The following CCDC192 variants were observed in gnomAD, a reference collection of about 807,000 sequenced individuals.
The protein encoded by CCDC192 is coiled-coil domain containing 192, also known as coiled-coil domain-containing protein 192.
Position 127,839,657 on chromosome 5 carries a change from G to A in CCDC192, c.412-35881G>A, listed in dbSNP as rs940155556. Reference sequence around the variant, plus strand: ...GCAAGTACCATTACACAACATTGCAGGGAAGTGGTCAAGGGACTGGGCTCT... The same window carrying A: ...GCAAGTACCATTACACAACATTGCAAGGAAGTGGTCAAGGGACTGGGCTCT... On this transcript the variant is annotated intron_variant, in intron 5 of 6. Transcript: ENST00000514853. Among the ~76,000 whole-genome samples the A allele has an allele frequency of 2.6e-5, 4 of 152,028 alleles. No individual in the cohort carries two copies. The South Asian group carries it at 8.3e-4, about 31-fold the overall frequency.
chr5:127,843,701 G>A (rs1295241301), intron 5 of CCDC192, among the ~76,000 whole-genome samples: 4 of 152,108 alleles, frequency 2.6e-5, no homozygotes, highest in African/African-American at 9.7e-5. Flanking sequence ...CCCTCCCAAA[G>A]TGCTAGAATT....
At chr5:127,763,848 C>T (rs1031405245) in intron 3 of CCDC192, among the ~76,000 whole-genome samples, 1 of 152,182 alleles carries the variant, frequency 6.6e-6, no homozygotes, top group African/African-American at 2.4e-5. Context: ...TCTACTTCCT[C>T]TTATCGCCTT....
chr5:127,777,735 A>G (rs1755954173), intron 3 of CCDC192, among the ~76,000 whole-genome samples: 1 of 152,166 alleles, frequency 6.6e-6, no homozygotes, highest in Admixed American at 6.5e-5. Flanking sequence ...TGTGATAGAG[A>G]ATAAGTCACA....
chr5:127,760,655 T>G (rs2126887287), intron 3 of CCDC192, among the ~76,000 whole-genome samples: 1 of 134,592 alleles, frequency 7.4e-6, no homozygotes, highest in East Asian at 2.2e-4. Flanking sequence ...CAGGCTGAGA[T>G]CGCGCCACTG....
chr5:127,799,168 A>G (rs565929323), intron 5 of CCDC192, among the ~76,000 whole-genome samples: 1 of 152,324 alleles, frequency 6.6e-6, no homozygotes, highest in South Asian at 2.1e-4. Flanking sequence ...CCTGAGACCT[A>G]TGAGGTTGCC....
At chr5:127,725,632 C>A (rs1304526031) in intron 2 of CCDC192, among the ~76,000 whole-genome samples, 1 of 152,114 alleles carries the variant, frequency 6.6e-6, no homozygotes, top group Non-Finnish European at 1.5e-5. Flanking sequence ...ATTTTAAGTA[C>A]CTGAATGTCA....
At chr5:127,916,995 A>T (rs954406151) in intron 6 of CCDC192, among the ~76,000 whole-genome samples, 9 of 152,222 alleles carry the variant, frequency 5.9e-5, no homozygotes, top group African/African-American at 1.9e-4. Context: ...GTTGCCATTG[A>T]AAACCTGTTC....
chr5:127,726,683 G>C (rs941965300), intron 2 of CCDC192, among the ~76,000 whole-genome samples: 1 of 152,228 alleles, frequency 6.6e-6, no homozygotes, highest in Admixed American at 6.5e-5. Context: ...GCTGGACCTC[G>C]ACCCATCCTT....
At chr5:127,856,659 C>T (rs1751113525) in intron 5 of CCDC192, among the ~76,000 whole-genome samples, 1 of 152,208 alleles carries the variant, frequency 6.6e-6, no homozygotes, top group African/African-American at 2.4e-5. Flanking sequence ...CTTCATTTTA[C>T]TTGAACACTT....
At chr5:127,760,107 A>G (rs1172150373) in intron 3 of CCDC192, among the ~76,000 whole-genome samples, 1 of 152,176 alleles carries the variant, frequency 6.6e-6, no homozygotes, top group Non-Finnish European at 1.5e-5. Flanking sequence ...TTTAAAGTTC[A>G]TGGAAAAATG....
chr5:127,926,176 C>T (rs1233581873), intron 6 of CCDC192, among the ~76,000 whole-genome samples: 2 of 152,142 alleles, frequency 1.3e-5, no homozygotes, highest in African/African-American at 4.8e-5. Context: ...TGCAATTGGC[C>T]AAGACTCAGC....
intron 6 of CCDC192, among the ~76,000 whole-genome samples, chr5:127,904,082 C>G (rs1208143560): frequency 6.6e-6 from 1 of 152,082 alleles, no homozygotes; most frequent in African/African-American, 2.4e-5. Context: ...ACCTTTCCTG[C>G]CTGTGATCAG....
At chr5:127,709,193 GAGAGAGGGGGAGAGAGAGAGA>G (rs1751161856) in intron 2 of CCDC192, among the ~76,000 whole-genome samples, 6 of 110,266 alleles carry the variant, frequency 5.4e-5, no homozygotes, top group African/African-American at 2.2e-4. Flanking sequence ...GAGAGAGGTG[GAGAGAGGGGGAGAGAGAGAGA>G]GAGAGAGAGA....
intron 6 of CCDC192, among the ~76,000 whole-genome samples, chr5:127,912,419 C>CAAAAAAAAAAAAAAAAAAA (rs60854127): frequency 2.5e-5 from 2 of 81,444 alleles, no homozygotes; most frequent in Non-Finnish European, 4.5e-5. Context: ...CTGGGTTTAG[C>CAAAAAAAAAAAAAAAAAAA]AAAAAAAAAA....
At chr5:127,838,609 C>T (rs747525962) in intron 5 of CCDC192, 23 of 152,102 alleles carry the variant, frequency 1.5e-4, no homozygotes, top group Admixed American at 3.3e-4. Context: ...TTTCTTAGGT[C>T]CACTGAAACC....
chr5:127,925,493 C>A (rs1460245819), intron 6 of CCDC192, among the ~76,000 whole-genome samples: 4 of 152,204 alleles, frequency 2.6e-5, no homozygotes, highest in African/African-American at 9.7e-5. Context: ...GCTTAGCAGA[C>A]ACATCCCTGT....
intron 6 of CCDC192, among the ~76,000 whole-genome samples, chr5:127,897,906 T>G (rs1752937280): frequency 6.6e-6 from 1 of 152,230 alleles, no homozygotes; most frequent in Non-Finnish European, 1.5e-5. Flanking sequence ...TATTCATTAA[T>G]TAAGACTCTC....
intron 3 of CCDC192, among the ~76,000 whole-genome samples, chr5:127,760,571 T>G (rs1351617257): frequency 6.6e-6 from 1 of 151,728 alleles, no homozygotes; most frequent in Admixed American, 6.6e-5. Context: ...TGTCCTGTGT[T>G]CTCCAACTGC....
intron 5 of CCDC192, among the ~76,000 whole-genome samples, chr5:127,828,035 T>C (rs576129914): frequency 6.6e-6 from 1 of 152,244 alleles, no homozygotes; most frequent in African/African-American, 2.4e-5. Flanking sequence ...GCCTCCTGAG[T>C]AGCTGGGATT....
Sources: allele counts gnomAD v4.1 joint callset (sites outside exome capture counted in the v4.1 genomes callset), GRCh38; gene constraint gnomAD v4.1.1; transcripts MANE v1.5; gene names NCBI Gene and HGNC (gene_info 2026-07-23, HGNC 2026-07-21).